The following PCTP variants were observed in gnomAD, a reference collection of about 807,000 sequenced individuals.
PCTP encodes the protein phosphatidylcholine transfer protein.
Under a neutral mutation model 31.0 loss-of-function variants are expected in PCTP, and 27 were observed. The observed-to-expected ratio is 0.87, with a 90% CI of 0.64 to 1.20. PCTP has a LOEUF of 1.20. PCTP is among the 50% of genes most tolerant of loss of function. The probability of loss-of-function intolerance (pLI) is 0.00; values close to 1 mark genes in which losing one functional copy is unlikely to be tolerated. For synonymous variants in PCTP, 108 were observed against 101.2 expected, an observed-to-expected ratio of 1.07 and a Z score of -0.40; for missense variants, 287 against 268.2, an observed-to-expected ratio of 1.07 and a Z score of -0.49.
intron 5 of PCTP, among the ~76,000 whole-genome samples, chr17:55,833,808 C>CT (rs1905686435): frequency 1.3e-5 from 2 of 152,120 alleles, no homozygotes; most frequent in East Asian, 1.9e-4. Flanking sequence ...TGCCTCCTGC[C>CT]TTTTTTTGCC....
At chr17:55,845,085 CAA>C (rs891404386), downstream of PCTP, among the ~76,000 whole-genome samples, 32 of 32,518 alleles carry the variant, frequency 9.8e-4, no homozygotes, top group African/African-American at 1.2e-3. Flanking sequence ...AAAACTCCAT[CAA>C]AAAAAAAAAA....
chr17:55,791,576 C>T (rs9898778), intron 3 of PCTP, among the ~76,000 whole-genome samples: 6,164 of 148,704 alleles, frequency 0.041, 399 homozygotes, highest in African/African-American at 0.14. Context: ...CACTGGCCAT[C>T]AGAGAAATGC....
intron 1 of PCTP, among the ~76,000 whole-genome samples, chr17:55,751,935 C>T (rs1909741087): frequency 1.3e-5 from 2 of 152,148 alleles, no homozygotes; most frequent in African/African-American, 4.8e-5. Flanking sequence ...GTGTAATAGT[C>T]GCAGCATGGC....
downstream of PCTP, among the ~76,000 whole-genome samples, chr17:55,844,905 T>C (rs1441753054): frequency 1.3e-5 from 2 of 151,594 alleles, no homozygotes; most frequent in African/African-American, 4.8e-5. Context: ...CTGACCAACA[T>C]GGTGAAACCC....
At chr17:55,845,085 C>CAAAAAAAAAAAAAAAAAAAAA (rs891404386), downstream of PCTP, among the ~76,000 whole-genome samples, 9 of 32,524 alleles carry the variant, frequency 2.8e-4, 1 homozygote, top group Non-Finnish European at 4.5e-4. Context: ...AAAACTCCAT[C>CAAAAAAAAAAAAAAAAAAAAA]AAAAAAAAAA....
At chr17:55,826,077 A>C (rs1482150227), downstream of PCTP, among the ~76,000 whole-genome samples, 1 of 152,222 alleles carries the variant, frequency 6.6e-6, no homozygotes, top group Non-Finnish European at 1.5e-5. Context: ...CACACAGTTA[A>C]GTGTAAGTAG....
intron 5 of PCTP, among the ~76,000 whole-genome samples, chr17:55,839,525 A>T (rs892729659): frequency 4.6e-5 from 7 of 152,196 alleles, no homozygotes; most frequent in African/African-American, 1.4e-4. Context: ...ATAGGTTTTT[A>T]AAGTTTCTCC....
chr17:55,832,055 A>G (rs1905615925), intron 5 of PCTP, among the ~76,000 whole-genome samples: 1 of 152,326 alleles, frequency 6.6e-6, no homozygotes, highest in South Asian at 2.1e-4. Context: ...AGCCTGGGCG[A>G]CAGAACGAGA....
intron 1 of PCTP, among the ~76,000 whole-genome samples, chr17:55,757,849 A>G (rs1299873915): frequency 2.0e-5 from 3 of 152,126 alleles, no homozygotes; most frequent in Non-Finnish European, 4.4e-5. Flanking sequence ...ATGAGATGCA[A>G]TGGAAATTGA....
chr17:55,813,969 G>C (rs1451822152), intron 3 of PCTP, among the ~76,000 whole-genome samples: 1 of 151,848 alleles, frequency 6.6e-6, no homozygotes, highest in Non-Finnish European at 1.5e-5. Context: ...TTGAGCCTGG[G>C]AAGTCAAGGC....
At chr17:55,841,627 T>C (rs973140089) in intron 5 of PCTP, among the ~76,000 whole-genome samples, 2 of 152,076 alleles carry the variant, frequency 1.3e-5, no homozygotes, top group African/African-American at 4.8e-5. Context: ...GGATCTCGGG[T>C]GAATATTCCA....
intron 5 of PCTP, among the ~76,000 whole-genome samples, chr17:55,839,210 T>C (rs1377627936): frequency 6.6e-6 from 1 of 152,218 alleles, no homozygotes; most frequent in African/African-American, 2.4e-5. Context: ...TGAGCCTCAA[T>C]TTCTTTTTGT....
intron 3 of PCTP, among the ~76,000 whole-genome samples, chr17:55,810,510 A>C (rs1282913321): frequency 6.6e-6 from 1 of 152,192 alleles, no homozygotes; most frequent in Non-Finnish European, 1.5e-5. Context: ...TGCTTCTAGG[A>C]AGCTCCTTCA....
At chr17:55,805,233 G>A (rs911887090) in intron 3 of PCTP, among the ~76,000 whole-genome samples, 4 of 152,046 alleles carry the variant, frequency 2.6e-5, no homozygotes, top group African/African-American at 9.7e-5. Context: ...TTTAGATTCA[G>A]GGGTTTATGT....
At chr17:55,795,178 G>T (rs62078573) in intron 3 of PCTP, among the ~76,000 whole-genome samples, 10,654 of 151,972 alleles carry the variant, frequency 0.07, 515 homozygotes, top group Middle Eastern at 0.15. Flanking sequence ...ATGTGCAGTC[G>T]CATTTAATGG....
At chr17:55,840,550 C>G (rs538097535) in intron 5 of PCTP, among the ~76,000 whole-genome samples, 1 of 152,272 alleles carries the variant, frequency 6.6e-6, no homozygotes, top group East Asian at 1.9e-4. Flanking sequence ...TTTGGTTGCC[C>G]ATGGACAACT....
Position 55,793,929 on chromosome 17 carries a change from G to A in PCTP, c.317+6275G>A, listed in dbSNP as rs766850707. The stretch of plus-strand genomic sequence containing the variant: ...GTAGCGGAATTGAATTTGAATGCCC[G>A]CCTTCACAGTAGAAGTTAAGTGTTC... On this transcript the variant is annotated intron_variant, in intron 3 of 3. Transcript: ENST00000572536. Among the ~76,000 whole-genome samples the A allele has an allele frequency of 6.6e-5, 10 of 152,068 alleles. No homozygotes were observed. In the East Asian group the frequency reaches 9.7e-4, roughly 15 times the overall value.
chr17:55,782,451 A>T (rs1911597866), intron 2 of PCTP, among the ~76,000 whole-genome samples: 1 of 152,182 alleles, frequency 6.6e-6, no homozygotes, highest in African/African-American at 2.4e-5. Flanking sequence ...ACTAGATTGG[A>T]TGCTTTACTT....
chr17:55,838,186 C>T (rs1005336236), intron 5 of PCTP, among the ~76,000 whole-genome samples: 1 of 151,882 alleles, frequency 6.6e-6, no homozygotes, highest in Non-Finnish European at 1.5e-5. Context: ...TATTTCAATC[C>T]TGTTTAACAT....
Sources: gnomAD v4.1 joint callset for allele counts (sites outside exome capture counted in the v4.1 genomes callset) on GRCh38, gnomAD v4.1.1 for gene constraint, MANE v1.5 for transcripts, NCBI Gene and HGNC (gene_info 2026-07-23, HGNC 2026-07-21) for gene names.